KCNJ3: variants seen among roughly 807,000 people sequenced by gnomAD.
The protein encoded by KCNJ3 is G protein-activated inward rectifier potassium channel 1.
A neutral mutation model predicts 39.2 loss-of-function variants in KCNJ3; 4 were observed. That is an observed-to-expected ratio of 0.10 (90% CI 0.05 to 0.23). The LOEUF (loss-of-function observed/expected upper bound fraction) is 0.23, where lower values mean the gene tolerates loss of function less well. Ranked by LOEUF, KCNJ3 falls within the 10% of genes least tolerant of loss-of-function variation. The probability of loss-of-function intolerance (pLI) is 1.00; values close to 1 mark genes in which losing one functional copy is unlikely to be tolerated. For synonymous variants in KCNJ3, 230 were observed against 237.4 expected (o/e 0.97, Z 0.29); for missense variants, 276 against 634.9 (o/e 0.43, Z 6.08).
At chr2:154,747,736 G>A (rs1208844923) in intron 2 of KCNJ3, among the ~76,000 whole-genome samples, 2 of 152,054 alleles carry the variant, frequency 1.3e-5, no homozygotes, top group Non-Finnish European at 2.9e-5. Flanking sequence ...AGAGTTGTAG[G>A]TTTGGAAGTG....
At position 154,857,234 on chromosome 2, in the gene KCNJ3, G is replaced by A. The variant is rs775393321; in HGVS notation, c.*1921G>A. On this transcript the variant is annotated 3_prime_UTR_variant, in exon 3 of 3. Transcript: ENST00000295101. ...AAACAAAATAGTGACAGAGAGAGAA[G>A]GGGGTCCACAGGGCATGGTATATTT... is the stretch of plus-strand genomic sequence containing the variant. The A allele has an allele frequency of 1.3e-5, 2 of 152,102 alleles. No homozygotes were observed. The highest frequency in any genetic ancestry group is 2.9e-5 in the Non-Finnish European group (2 of 68,026). 9.4% of individuals were successfully genotyped at this position (152,102 alleles called of 1,614,324 possible). A position where few individuals can be genotyped will look rare whatever the true frequency, so the allele number is the denominator to read the frequency against.
intron 2 of KCNJ3, among the ~76,000 whole-genome samples, chr2:154,845,622 G>A (rs755753443): frequency 6.6e-6 from 1 of 152,094 alleles, no homozygotes; most frequent in Non-Finnish European, 1.5e-5. Context: ...GCAGAAAAAA[G>A]TTTGATGAGA....
intron 2 of KCNJ3, among the ~76,000 whole-genome samples, chr2:154,847,764 T>C (rs991123944): frequency 6.6e-6 from 1 of 152,224 alleles, no homozygotes; most frequent in Admixed American, 6.5e-5. Context: ...GGCCTTAATG[T>C]ACAGATAATG....
At chr2:154,854,334 A>C (rs1687804739) in intron 2 of KCNJ3, among the ~76,000 whole-genome samples, 1 of 152,198 alleles carries the variant, frequency 6.6e-6, no homozygotes, top group Non-Finnish European at 1.5e-5. Context: ...ATTAAAGTTT[A>C]GATTCAAAAT....
intron 2 of KCNJ3, among the ~76,000 whole-genome samples, chr2:154,811,145 T>A (rs1374031524): frequency 6.6e-6 from 1 of 152,152 alleles, no homozygotes; most frequent in African/African-American, 2.4e-5. Context: ...GATGTACACA[T>A]CCAGAAACTT....
intron 2 of KCNJ3, among the ~76,000 whole-genome samples, chr2:154,729,083 A>G (rs907704376): frequency 6.6e-6 from 1 of 152,210 alleles, no homozygotes; most frequent in African/African-American, 2.4e-5. Flanking sequence ...AATTTCTTAA[A>G]TAAATTCTCT....
chr2:154,819,635 ATTC>A (rs1687137027), intron 2 of KCNJ3, among the ~76,000 whole-genome samples: 1 of 151,826 alleles, frequency 6.6e-6, no homozygotes, highest in African/African-American at 2.4e-5. Context: ...GGTTCAAGCT[ATTC>A]TTCTGCCTCA....
chr2:154,801,581 CTCTT>C (rs1574467723), intron 2 of KCNJ3, among the ~76,000 whole-genome samples: 2 of 139,254 alleles, frequency 1.4e-5, no homozygotes, highest in African/African-American at 5.3e-5. Flanking sequence ...CTCTGTCTCT[CTCTT>C]TCTTTCCCTT....
Position 154,758,066 on chromosome 2 carries a change from A to G in KCNJ3, c.919+48247A>G, listed in dbSNP as rs538728768. Among the ~76,000 whole-genome samples, 14 of 152,298 alleles carry G rather than the reference A, an allele frequency of 9.2e-5. No homozygotes were observed. The South Asian group carries it at 2.9e-3, about 32-fold the overall frequency. On this transcript the variant is annotated intron_variant, in intron 2 of 2. Transcript: ENST00000295101. ...TTCAAATTTATTGGACATAATTTCTACTAGATAAGGTTCCTTTATTTCAGG... is the reference window on the plus strand; with the variant it reads ...TTCAAATTTATTGGACATAATTTCTGCTAGATAAGGTTCCTTTATTTCAGG...
chr2:154,777,709 A>G (rs1686363560), intron 2 of KCNJ3, among the ~76,000 whole-genome samples: 1 of 152,094 alleles, frequency 6.6e-6, no homozygotes, highest in South Asian at 2.1e-4. Flanking sequence ...TTTCTTTTGA[A>G]ATGTATTTCT....
At chr2:154,830,940 C>T (rs1687352171) in intron 2 of KCNJ3, among the ~76,000 whole-genome samples, 1 of 152,138 alleles carries the variant, frequency 6.6e-6, no homozygotes, top group African/African-American at 2.4e-5. Flanking sequence ...ATCATTGCAA[C>T]AATAAGAAAT....
chr2:154,786,169 G>C (rs1409443857), intron 2 of KCNJ3, among the ~76,000 whole-genome samples: 3 of 152,258 alleles, frequency 2.0e-5, no homozygotes, highest in Non-Finnish European at 2.9e-5. Flanking sequence ...TTCAGATCTG[G>C]TGCTTTTAGA....
chr2:154,811,948 G>A (rs1445652), intron 2 of KCNJ3, among the ~76,000 whole-genome samples: 23,535 of 151,950 alleles, frequency 0.15, 2,318 homozygotes, highest in East Asian at 0.37. Context: ...TTTCCAGGTC[G>A]TTCACCAGTT....
At chr2:154,703,745 G>A (rs1027225478) in intron 1 of KCNJ3, among the ~76,000 whole-genome samples, 1 of 151,622 alleles carries the variant, frequency 6.6e-6, no homozygotes, top group African/African-American at 2.4e-5. Flanking sequence ...TTATGTTTTT[G>A]ACTCAGTATG....
Position 154,807,486 on chromosome 2 carries a change from T to C in KCNJ3, c.920-47241T>C, listed in dbSNP as rs555762774. Reference sequence around the variant, plus strand: ...TAAACCTTAAGGTCTCCAATTCAGCTAAGACTTTGTCTTTGGAGGGATAAC... The same window carrying C: ...TAAACCTTAAGGTCTCCAATTCAGCCAAGACTTTGTCTTTGGAGGGATAAC... On this transcript the variant is annotated intron_variant, in intron 2 of 2. Transcript: ENST00000295101. 1.2e-4 allele frequency among the ~76,000 whole-genome samples: 18 copies of C among 152,346 alleles called. No individual in the cohort carries two copies. The South Asian group carries it at 3.7e-3, about 32-fold the overall frequency.
chr2:154,783,478 T>C (rs552244365), intron 2 of KCNJ3, among the ~76,000 whole-genome samples: 13 of 152,340 alleles, frequency 8.5e-5, no homozygotes, highest in Admixed American at 5.9e-4. Flanking sequence ...CTGCCACTAC[T>C]AACACCCTGG....
At chr2:154,802,680 A>T (rs1686840402) in intron 2 of KCNJ3, among the ~76,000 whole-genome samples, 1 of 152,170 alleles carries the variant, frequency 6.6e-6, no homozygotes, top group Non-Finnish European at 1.5e-5. Flanking sequence ...TGGCTATAAG[A>T]AATTAATTCT....
At chr2:154,736,198 T>C (rs965775454) in intron 2 of KCNJ3, among the ~76,000 whole-genome samples, 4 of 151,792 alleles carry the variant, frequency 2.6e-5, no homozygotes, top group African/African-American at 9.7e-5. Flanking sequence ...CATACATTGA[T>C]TGGTATAACA....
At chr2:154,786,637 C>T (rs540583437) in intron 2 of KCNJ3, among the ~76,000 whole-genome samples, 3 of 152,232 alleles carry the variant, frequency 2.0e-5, no homozygotes, top group African/African-American at 7.2e-5. Context: ...CAAGACTCCT[C>T]TATTATTTAT....
Sources: allele counts gnomAD v4.1 joint callset (sites outside exome capture counted in the v4.1 genomes callset), GRCh38; gene constraint gnomAD v4.1.1; transcripts MANE v1.5; gene names NCBI Gene and HGNC (gene_info 2026-07-23, HGNC 2026-07-21).